CSMD1: variants seen among roughly 807,000 people sequenced by gnomAD.
CSMD1 encodes the protein CUB and sushi domain-containing protein 1.
A neutral mutation model predicts 417.5 loss-of-function variants in CSMD1; 213 were observed. The ratio of observed to expected loss-of-function variants is 0.51; its 90% CI spans 0.46 to 0.57. The LOEUF (loss-of-function observed/expected upper bound fraction) is 0.57. Ranked by LOEUF, CSMD1 falls within the 20% of genes least tolerant of loss-of-function variation. The probability of loss-of-function intolerance (pLI) is 0.00; values close to 1 mark genes in which losing one functional copy is unlikely to be tolerated. For missense variants in CSMD1, 6,923 were observed against 4,529.7 expected (o/e 1.53, Z -15.17); for synonymous variants, 2,862 against 1,736.8 (o/e 1.65, Z -16.11).
intron 3 of CSMD1, among the ~76,000 whole-genome samples, chr8:4,162,267 G>C (rs375417677): frequency 4.6e-5 from 7 of 152,290 alleles, no homozygotes; most frequent in South Asian, 2.1e-4. Context: ...AAATGTAGCA[G>C]ATTTTCCAAT....
intron 43 of CSMD1, among the ~76,000 whole-genome samples, chr8:3,109,406 G>C (rs908767838): frequency 1.3e-5 from 2 of 152,178 alleles, no homozygotes; most frequent in Admixed American, 1.3e-4. Context: ...TTTCATTGTG[G>C]TCAACCTAAT....
At chr8:4,532,656 A>G (rs1400176462) in intron 2 of CSMD1, among the ~76,000 whole-genome samples, 1 of 139,416 alleles carries the variant, frequency 7.2e-6, no homozygotes, top group Non-Finnish European at 1.5e-5. Context: ...ACCCCCATTC[A>G]GTCACTCCGG....
chr8:3,381,053 AG>A (rs1429908415), intron 18 of CSMD1, among the ~76,000 whole-genome samples: 1 of 152,200 alleles, frequency 6.6e-6, no homozygotes, highest in Admixed American at 6.5e-5. Context: ...CAAATGAGTC[AG>A]GCAAAGTCTC....
chr8:3,780,304 C>T lies in CSMD1; in HGVS notation c.819-26262G>A, dbSNP rs183562381. Among the ~76,000 whole-genome samples the T allele has an allele frequency of 3.0e-3, 454 of 152,296 alleles. 6 individuals are homozygous for T. The highest frequency in any genetic ancestry group is 0.011 in the African/African-American group (438 of 41,548). On this transcript the variant is annotated intron_variant, in intron 5 of 69. Coordinates refer to ENST00000635120, the MANE Select transcript of CSMD1 (RefSeq NM_033225.6). ...GGCTGAGCAATTAGTTCGTATTCCG[C>T]AAATGAGTCAACTGAAATAACAGTT...
At chr8:3,687,932 C>A (rs1398696604) in intron 7 of CSMD1, among the ~76,000 whole-genome samples, 2 of 152,230 alleles carry the variant, frequency 1.3e-5, no homozygotes, top group South Asian at 4.1e-4. Context: ...CCTCTCTGCA[C>A]CTCCTACCAA....
At chr8:3,883,734 T>C (rs531046186) in intron 5 of CSMD1, among the ~76,000 whole-genome samples, 20 of 152,232 alleles carry the variant, frequency 1.3e-4, no homozygotes, top group South Asian at 8.3e-4. Context: ...AAGTGATTCA[T>C]TGAAACAACT....
intron 5 of CSMD1, among the ~76,000 whole-genome samples, chr8:3,800,553 C>G (rs958111111): frequency 6.6e-6 from 1 of 152,108 alleles, no homozygotes; most frequent in Non-Finnish European, 1.5e-5. Context: ...TATGCAATGG[C>G]TTGGATATGG....
At chr8:3,420,919 CCAGTT>C (rs1428063375) in intron 12 of CSMD1, among the ~76,000 whole-genome samples, 1 of 151,942 alleles carries the variant, frequency 6.6e-6, no homozygotes, top group Non-Finnish European at 1.5e-5. Context: ...TTCTCTTGGT[CCAGTT>C]ATCTAATAAT....
At chr8:3,757,877 C>A (rs1022717939) in intron 5 of CSMD1, among the ~76,000 whole-genome samples, 4 of 149,742 alleles carry the variant, frequency 2.7e-5, no homozygotes, top group Admixed American at 6.7e-5. Flanking sequence ...ACAAAAAAAA[C>A]CAACAACAAA....
chr8:4,922,648 T>A (rs1392494212), intron 1 of CSMD1, among the ~76,000 whole-genome samples: 2 of 152,140 alleles, frequency 1.3e-5, no homozygotes, highest in African/African-American at 4.8e-5. Flanking sequence ...TGTCCACAGT[T>A]CACATGGTGC....
At chr8:3,313,381 G>A (rs1027352858) in intron 23 of CSMD1, among the ~76,000 whole-genome samples, 2 of 152,062 alleles carry the variant, frequency 1.3e-5, no homozygotes, top group African/African-American at 2.4e-5. Context: ...CTGACAAAGG[G>A]CTAATATGCA....
intron 1 of CSMD1, among the ~76,000 whole-genome samples, chr8:4,653,194 G>C (rs1156228548): frequency 6.6e-6 from 1 of 152,028 alleles, no homozygotes; most frequent in Non-Finnish European, 1.5e-5. Flanking sequence ...GTCACAGCAG[G>C]AGGCAATTTT....
chr8:3,227,387 G>A (rs975269629), intron 27 of CSMD1, among the ~76,000 whole-genome samples: 1 of 152,096 alleles, frequency 6.6e-6, no homozygotes, highest in South Asian at 2.1e-4. Context: ...AACTGAGTGA[G>A]ACTCTACCTC....
chr8:4,948,568 T>G (rs1178488895), intron 1 of CSMD1, among the ~76,000 whole-genome samples: 1 of 152,086 alleles, frequency 6.6e-6, no homozygotes, highest in Non-Finnish European at 1.5e-5. Context: ...TTATTCATAG[T>G]ACCTTTATGT....
intron 3 of CSMD1, among the ~76,000 whole-genome samples, chr8:4,353,180 C>G (rs942866855): frequency 6.6e-6 from 1 of 152,152 alleles, no homozygotes; most frequent in African/African-American, 2.4e-5. Flanking sequence ...GTAATAATCC[C>G]CACGTGTCAA....
At chr8:3,538,775 G>C (rs932411668) in intron 10 of CSMD1, among the ~76,000 whole-genome samples, 2 of 152,140 alleles carry the variant, frequency 1.3e-5, no homozygotes, top group Non-Finnish European at 2.9e-5. Flanking sequence ...ATCCTACTCG[G>C]GAAGCCACAC....
chr8:3,757,512 C>A (rs945802710), intron 5 of CSMD1, among the ~76,000 whole-genome samples: 1 of 152,128 alleles, frequency 6.6e-6, no homozygotes, highest in African/African-American at 2.4e-5. Context: ...GCTGATGGGC[C>A]AGATTTGGCC....
intron 3 of CSMD1, among the ~76,000 whole-genome samples, chr8:4,273,651 A>G (rs1256824925): frequency 6.6e-6 from 1 of 152,180 alleles, no homozygotes; most frequent in African/African-American, 2.4e-5. Flanking sequence ...TCTAATAGAG[A>G]GCAGTAATCT....
intron 24 of CSMD1, 134 bp from the exon 25 acceptor site, chr8:3,307,955 C>T: frequency 9.1e-6 from 9 of 988,416 alleles, no homozygotes; most frequent in South Asian, 9.0e-5. Flanking sequence ...ATCTCTCTCT[C>T]CTGACCGTTT....
Sources: gnomAD v4.1 joint callset for allele counts (sites outside exome capture counted in the v4.1 genomes callset) on GRCh38, gnomAD v4.1.1 for gene constraint, MANE v1.5 for transcripts, NCBI Gene and HGNC (gene_info 2026-07-23, HGNC 2026-07-21) for gene names.